The following OPA1 variants were observed in gnomAD, a reference collection of about 807,000 sequenced individuals.
The protein encoded by OPA1 is dynamin-like GTPase OPA1, mitochondrial.
In OPA1, 59 loss-of-function variants were observed where a neutral mutation model predicts 152.9. The ratio of observed to expected loss-of-function variants is 0.39; its 90% CI spans 0.31 to 0.48. OPA1 has a LOEUF of 0.48. Among genes scored for constraint, OPA1 ranks in the 20% least tolerant of loss-of-function variants. The pLI, the probability that OPA1 is intolerant of heterozygous loss-of-function variation, is 0.96. For synonymous variants in OPA1, 400 were observed against 389.9 expected (o/e 1.03, Z -0.31); for missense variants, 1,008 against 1,216.8 (o/e 0.83, Z 2.55).
At chr3:193,594,894 C>T (rs1401948494) in intron 1 of OPA1, among the ~76,000 whole-genome samples, 4 of 152,126 alleles carry the variant, frequency 2.6e-5, no homozygotes. Flanking sequence ...AGTGAGGAAA[C>T]ATATCTGATT....
Position 193,614,967 on chromosome 3 carries a change from T to G in OPA1, c.277T>G (p.Leu93Val). 1 of 1,614,206 alleles carries G rather than the reference T, an allele frequency of 6.2e-7. No individual in the cohort carries two copies. ...QPRRNFWPAR[L>V]ATRLLKLRYL... ...TCGCAGGAATTTTTGGCCAGCAAGATTAGCTACGAGACTCTTAAAACTTCG... is the reference window on the plus strand; with the variant it reads ...TCGCAGGAATTTTTGGCCAGCAAGAGTAGCTACGAGACTCTTAAAACTTCG... The change falls in exon 2 of 31, where the codon TTA becomes GTA. Residue 93 changes from leucine (L) to valine (V), a missense_variant. This residue lies in a region of OPA1 where 408 missense variants were observed against 395.1 expected (regional missense o/e 1.03). Coordinates refer to ENST00000361510, the MANE Select transcript of OPA1 (RefSeq NM_130837.3).
chr3:193,593,495 G>A, intron 1 of OPA1, 86 bp downstream of exon 1: 1 of 1,335,186 alleles, frequency 7.5e-7, no homozygotes, highest in Non-Finnish European at 9.9e-7. Flanking sequence ...AAAATGTGCA[G>A]GTGACTCTCA....
chr3:193,637,139 A>C, intron 9 of OPA1, 56 bp from the exon 10 acceptor site: 1 of 919,632 alleles, frequency 1.1e-6, no homozygotes, highest in Non-Finnish European at 1.7e-6. Context: ...CACATCTGTT[A>C]TATTTTTTTC....
At chr3:193,644,980 T>G (rs535492029) in intron 16 of OPA1, among the ~76,000 whole-genome samples, 2 of 152,222 alleles carry the variant, frequency 1.3e-5, no homozygotes, top group African/African-American at 4.8e-5. Context: ...TATGCATTTT[T>G]CTGGGTACAT....
chr3:193,654,788 G>A (rs753743751), intron 21 of OPA1, 74 bp from the exon 22 acceptor site: 20 of 1,441,482 alleles, frequency 1.4e-5, no homozygotes, highest in Non-Finnish European at 1.9e-5. Flanking sequence ...ATAAGTTAAT[G>A]ATACTTCAGT....
Position 193,642,988 on chromosome 3 carries a change from G to C in OPA1, c.1244G>C (p.Arg415Thr), listed in dbSNP as rs777142558. The change falls in exon 13 of 31, where the codon AGA becomes ACA. Residue 415 changes from arginine (R) to threonine (T), a missense_variant. Transcript: ENST00000361510. Reference protein sequence around the residue: ...LTKEEDLAALRHEIELRMRKN... With the variant: ...LTKEEDLAALTHEIELRMRKN... ...GTTTTCCATTAGCTTGCAGCATTAAGACATGAAATAGAACTTCGAATGAGG... is the reference window on the plus strand; with the variant it reads ...GTTTTCCATTAGCTTGCAGCATTAACACATGAAATAGAACTTCGAATGAGG... 6.2e-7 allele frequency: 1 copy of C among 1,613,814 alleles called. No individual in the cohort carries two copies. Among genetic ancestry groups the C allele is most frequent in the Non-Finnish European group, 8.5e-7 (1 of 1,179,782 alleles).
rs546135693 is a variant in OPA1, at chr3:193,669,108, C to G, written c.2983+1828C>G. 2.0e-5 allele frequency among the ~76,000 whole-genome samples: 3 copies of G among 152,242 alleles called. No homozygotes were observed. The East Asian group carries it at 5.8e-4, about 29-fold the overall frequency. ...AAGAAGTTCTGCAAATTTAAAAGTG[C>G]CTTCTAAGCTGAGTTGTAGGATTAC... On this transcript the variant is annotated intron_variant, in intron 29 of 30. Transcript: ENST00000361510.
intron 1 of OPA1, among the ~76,000 whole-genome samples, chr3:193,606,004 CG>C (rs1361904081): frequency 6.6e-6 from 1 of 152,096 alleles, no homozygotes; most frequent in Non-Finnish European, 1.5e-5. Flanking sequence ...AAAGGTATTA[CG>C]GGGAGCAATC....
Position 193,667,174 on chromosome 3 carries a change from G to A in OPA1, c.2877G>A (p.Arg959=), listed in dbSNP as rs1241392030. Residue 959 remains arginine, a synonymous_variant, in exon 29 of 31, where the codon AGG becomes AGA. Coordinates refer to ENST00000361510, the MANE Select transcript of OPA1 (RefSeq NM_130837.3). ...LRQQLTNTEV[R]RLEKNVKEVL... ...TTTTTAACTTTCTTTAAACAGTTAG[G>A]CGATTAGAGAAAAATGTTAAAGAGG... 6.6e-7 allele frequency: 1 copy of A among 1,510,998 alleles called. No homozygotes were observed. The highest frequency in any genetic ancestry group is 9.2e-7 in the Non-Finnish European group (1 of 1,086,196). 93.6% of individuals were successfully genotyped at this position (1,510,998 alleles called of 1,614,324 possible). A position where few individuals can be genotyped will look rare whatever the true frequency, so the allele number is the denominator to read the frequency against.
In OPA1 at chr3:193,654,499, CA is replaced by C. The variant is rs60601464; in HGVS notation, c.2013-350del. On this transcript the variant is annotated intron_variant, in intron 21 of 30. Transcript: ENST00000361510. ...TGGGCAACTAAGCAAGACCCTGTCT[CA>C]AAAAAAAAAAAAGTGAAATATTAAT... Among the ~76,000 whole-genome samples the C allele has an allele frequency of 9.6e-3, 1,300 of 134,874 alleles. 14 individuals are homozygous for C. Among genetic ancestry groups the C allele is most frequent in the African/African-American group, 0.026 (960 of 36,682 alleles). The allele number at this position is 134,874 out of a possible 152,430, so 88.5% of individuals were successfully genotyped here.
chr3:193,632,404 C>A (rs1305235009), intron 8 of OPA1, among the ~76,000 whole-genome samples: 1 of 152,102 alleles, frequency 6.6e-6, no homozygotes, highest in African/African-American at 2.4e-5. Context: ...TGGTGTGAAC[C>A]CAGGAGGCGG....
chr3:193,650,100 A>G (rs1712021819), intron 21 of OPA1, among the ~76,000 whole-genome samples: 1 of 152,218 alleles, frequency 6.6e-6, no homozygotes, highest in African/African-American at 2.4e-5. Flanking sequence ...TGGAAAGGTT[A>G]GTTTTGTTTG....
intron 13 of OPA1, 78 bp downstream of exon 13, chr3:193,643,127 A>AT (rs1221254827): frequency 2.4e-6 from 3 of 1,224,640 alleles, no homozygotes; most frequent in Non-Finnish European, 3.6e-6. Flanking sequence ...AAATCTAGGT[A>AT]TTGATGTTTA....
At chr3:193,686,243 T>G (rs1720921454) in intron 29 of OPA1, among the ~76,000 whole-genome samples, 1 of 152,084 alleles carries the variant, frequency 6.6e-6, no homozygotes, top group Non-Finnish European at 1.5e-5. Context: ...TCCATTTGAG[T>G]TTTTGAAGTA....
intron 16 of OPA1, among the ~76,000 whole-genome samples, chr3:193,644,674 G>A (rs756995815): frequency 4.6e-5 from 7 of 152,128 alleles, no homozygotes; most frequent in African/African-American, 9.7e-5. Flanking sequence ...TTAAGGGTAA[G>A]GCCTGCCGTG....
At chr3:193,670,036 A>G (rs1381268353) in intron 29 of OPA1, among the ~76,000 whole-genome samples, 1 of 152,210 alleles carries the variant, frequency 6.6e-6, no homozygotes, top group East Asian at 1.9e-4. Context: ...GAGATGAGCC[A>G]TGACTTTGTT....
chr3:193,595,067 C>T (rs1265210201), intron 1 of OPA1, among the ~76,000 whole-genome samples: 1 of 152,080 alleles, frequency 6.6e-6, no homozygotes, highest in Non-Finnish European at 1.5e-5. Context: ...CTAAAGTTAC[C>T]ATGGATGCCA....
intron 1 of OPA1, chr3:193,603,577 T>C (rs1009522514): frequency 1.3e-5 from 2 of 152,238 alleles, no homozygotes; most frequent in African/African-American, 4.8e-5. Context: ...CTTCGTAGTT[T>C]CCATATCATG....
intron 11 of OPA1, among the ~76,000 whole-genome samples, chr3:193,642,237 ACT>A (rs1733885540): frequency 6.6e-6 from 1 of 151,954 alleles, no homozygotes; most frequent in Admixed American, 6.6e-5. Context: ...AGGTTTTGTC[ACT>A]CTCTTCTATT....
Sources: gnomAD v4.1 joint callset for allele counts (sites outside exome capture counted in the v4.1 genomes callset) on GRCh38, gnomAD v4.1.1 for gene constraint, gnomAD v4.1.1 regional missense constraint, MANE v1.5 for transcripts, NCBI Gene and HGNC (gene_info 2026-07-23, HGNC 2026-07-21) for gene names.